Variants in ZNF211 observed in about 807,000 individuals in gnomAD.
The protein encoded by ZNF211 is zinc finger protein C2H2-25.
Under a neutral mutation model 12.1 loss-of-function variants are expected in ZNF211, and 18 were observed. The ratio of observed to expected loss-of-function variants is 1.48; its 90% CI spans 1.03 to 2.20. The LOEUF (loss-of-function observed/expected upper bound fraction) is 2.20. Among genes scored for constraint, ZNF211 ranks in the 30% most tolerant of loss-of-function variants. ZNF211 has a pLI of 0.00. For missense variants in ZNF211, 677 were observed against 703.1 expected, an observed-to-expected ratio of 0.96 and a Z score of 0.42; for synonymous variants, 249 against 246.0, an observed-to-expected ratio of 1.01 and a Z score of -0.11.
rs1267605901 is a variant in ZNF211, at chr19:57,634,014, T to C, written c.91-9T>C. 1.3e-6 allele frequency: 2 copies of C among 1,591,278 alleles called. No individual in the cohort carries two copies. The highest frequency in any genetic ancestry group is 4.5e-5 in the East Asian group (2 of 44,804). ...ATCACATTCCTCTGAGGCCTGCGTC[T>C]TTCCACAGGTTCCCATAGCTACAGA... is the stretch of plus-strand genomic sequence containing the variant. On this transcript the variant is annotated splice_polypyrimidine_tract_variant and intron_variant, in intron 1 of 3. Transcript: ENST00000240731.
intron 3 of ZNF211, chr19:57,639,959 G>A (rs1481817071): frequency 3.1e-5 from 47 of 1,522,910 alleles, no homozygotes; most frequent in Non-Finnish European, 4.0e-5. Context: ...AGGGCTAGGG[G>A]AAGTGCCCTC....
intron 3 of ZNF211, among the ~76,000 whole-genome samples, chr19:57,636,711 T>C (rs1170074312): frequency 3.3e-5 from 5 of 152,242 alleles, no homozygotes; most frequent in Non-Finnish European, 5.9e-5. Context: ...ATATTTCAAA[T>C]GAATTTTAGG....
intron 3 of ZNF211, among the ~76,000 whole-genome samples, chr19:57,639,391 G>T (rs1006910198): frequency 5.0e-3 from 53 of 10,548 alleles, no homozygotes; most frequent in Admixed American, 0.013. Context: ...AACTTCCCTT[G>T]TCATTTCCTT....
rs199579625 is a variant in ZNF211, at chr19:57,642,036, C to A, written c.1589C>A (p.Ser530Tyr). Reference sequence around the variant, plus strand: ...TATGAGTGCAGTGAATGTGGGAAATCCTTTAGCCAAAGTTCTAGCCTCATT... The same window carrying A: ...TATGAGTGCAGTGAATGTGGGAAATACTTTAGCCAAAGTTCTAGCCTCATT... ...RPYECSECGK[S>Y]FSQSSSLIQH... Residue 530 changes from serine (S) to tyrosine (Y), a missense_variant, in exon 4 of 4, where the codon TCC (serine) becomes TAC (tyrosine). Physicochemically the swap from Ser to Tyr is moderately radical, Grantham distance 144. Transcript: ENST00000240731. 6.2e-7 allele frequency: 1 copy of A among 1,614,048 alleles called. No homozygotes were observed. Among genetic ancestry groups the A allele is most frequent in the Non-Finnish European group, 8.5e-7 (1 of 1,180,008 alleles).
At chr19:57,634,520 TG>T in intron 2 of ZNF211, 108 bp from the exon 3 acceptor site, 1 of 1,328,688 alleles carries the variant, frequency 7.5e-7, no homozygotes, top group Non-Finnish European at 1.0e-6. Flanking sequence ...CACCAAGGTC[TG>T]GTGTCTCTTC....
chr19:57,640,131 A>C, intron 3 of ZNF211: 3 of 1,479,236 alleles, frequency 2.0e-6, no homozygotes, highest in Non-Finnish European at 2.7e-6. Flanking sequence ...ATTGCCAGAG[A>C]CACTTCACTT....
chr19:57,643,155 G>A lies in ZNF211; in HGVS notation c.*974G>A, dbSNP rs547874593. On this transcript the variant is annotated 3_prime_UTR_variant, in exon 4 of 4. Coordinates refer to ENST00000240731, the MANE Select transcript of ZNF211 (RefSeq NM_006385.5). Reference sequence around the variant, plus strand: ...GCACTGTTGAGGCAGTCTACCCCCAGTGCTGCCAAGGAGCCAAGTGCCCCA... The same window carrying A: ...GCACTGTTGAGGCAGTCTACCCCCAATGCTGCCAAGGAGCCAAGTGCCCCA... Among the ~76,000 whole-genome samples the A allele has an allele frequency of 5.9e-5, 9 of 152,204 alleles. No homozygotes were observed. Among genetic ancestry groups the A allele is most frequent in the African/African-American group, 1.9e-4 (8 of 41,508 alleles).
rs1466823640 is a variant in ZNF211 at position 57,642,102 on chromosome 19, GCAGT to G, written c.1658_1661del (p.Ser553AsnfsTer83). On this transcript the variant is annotated frameshift_variant, in exon 4 of 4. Transcript: ENST00000240731. LOFTEE classifies it low-confidence loss of function (END_TRUNC). ...CACACGGGAAAAAGGCCTTATCAGT[GCAGT>G]CAATGTGGGAAATCCTTTGGCTGCA... 1 of 1,614,130 alleles carries G rather than the reference GCAGT, an allele frequency of 6.2e-7. No individual in the cohort carries two copies. The highest frequency in any genetic ancestry group is 1.7e-5 in the Admixed American group (1 of 60,022).
In ZNF211 at chr19:57,641,468, C is replaced by T. The variant is rs758797909; in HGVS notation, c.1021C>T (p.Leu341Phe). The change falls in exon 4 of 4, where the codon CTC becomes TTC. Residue 341 changes from leucine (L) to phenylalanine (F), a missense_variant. By Grantham distance (22) the Leu-to-Phe change is conservative (BLOSUM62 0). Transcript: ENST00000240731. ...GAAATCGTTTAGTCAGATATACAGC[C>T]TCAATAGCCATAGGAAAGTTCACAC... is the stretch of plus-strand genomic sequence containing the variant. Reference protein sequence around the residue: ...CGKSFSQIYSLNSHRKVHTGE... With the variant: ...CGKSFSQIYSFNSHRKVHTGE... The T allele has an allele frequency of 1.2e-6, 2 of 1,610,976 alleles. No homozygotes were observed. The highest frequency in any genetic ancestry group is 8.5e-7 in the Non-Finnish European group (1 of 1,177,920).
chr19:57,636,116 T>G (rs926276709), intron 3 of ZNF211, among the ~76,000 whole-genome samples: 19 of 152,306 alleles, frequency 1.2e-4, no homozygotes, highest in African/African-American at 4.3e-4. Context: ...TTATTGAGCT[T>G]TAAGGGTTAT....
At chr19:57,633,581 C>CA in intron 1 of ZNF211, 145 bp downstream of exon 1, 1 of 1,512,252 alleles carries the variant, frequency 6.6e-7, no homozygotes, top group Middle Eastern at 1.7e-4. Context: ...ATGTGGTGGG[C>CA]AGGGGGACAA....
At position 57,641,906 on chromosome 19, in the gene ZNF211, G is replaced by A; in HGVS notation, c.1459G>A (p.Val487Ile). Residue 487 changes from valine to isoleucine, a missense_variant, in exon 4 of 4, where the codon GTT becomes ATT. Val to Ile is a conservative substitution (Grantham distance 29). Coordinates refer to ENST00000240731, the MANE Select transcript of ZNF211 (RefSeq NM_006385.5). ...HSSNLKNHQR[V>I]HTGERPVECS... Reference sequence around the variant, plus strand: ...CTCCAACCTTAAGAACCACCAGAGAGTTCACACTGGAGAAAGACCTGTTGA... The same window carrying A: ...CTCCAACCTTAAGAACCACCAGAGAATTCACACTGGAGAAAGACCTGTTGA... 2 of 1,614,164 alleles carry A rather than the reference G, an allele frequency of 1.2e-6. No homozygotes were observed. Among genetic ancestry groups the A allele is most frequent in the Non-Finnish European group, 1.7e-6 (2 of 1,180,032 alleles).
chr19:57,639,900 TCTTTCCCTTAG>T, intron 3 of ZNF211: 1 of 1,531,342 alleles, frequency 6.5e-7, no homozygotes, highest in Non-Finnish European at 8.7e-7. Context: ...ACATGTCCTG[TCTTTCCCTTAG>T]GACTTATATC....
chr19:57,633,221 G>T lies in ZNF211; in HGVS notation c.-126G>T, dbSNP rs1981640023. 3 of 971,918 alleles carry T rather than the reference G, an allele frequency of 3.1e-6. No individual in the cohort carries two copies. The South Asian group carries it at 5.6e-5, about 18-fold the overall frequency. The allele number at this position is 971,918 out of a possible 1,614,324, so 60.2% of individuals were successfully genotyped here. ...GGTCATTTTGGCTGCCCTCCCGGAG[G>T]TCCGTTCTGTCTGTCAGCCGCTTTG... On this transcript the variant is annotated 5_prime_UTR_variant, in exon 1 of 4. Coordinates refer to ENST00000240731, the MANE Select transcript of ZNF211 (RefSeq NM_006385.5).
intron 3 of ZNF211, 75 bp downstream of exon 3, chr19:57,634,830 C>G: frequency 7.0e-7 from 1 of 1,430,288 alleles, no homozygotes; most frequent in Non-Finnish European, 9.2e-7. Flanking sequence ...GCAGCTCTGT[C>G]CTCATATCTG....
In ZNF211 at chr19:57,633,256, A is replaced by G. The variant is rs114740943; in HGVS notation, c.-91A>G. 3.9e-3 allele frequency: 4,886 copies of G among 1,256,986 alleles called. 76 individuals carry two copies. The African/African-American group carries it at 0.049, about 12-fold the overall frequency. The allele number at this position is 1,256,986 out of a possible 1,614,324, so 77.9% of individuals were successfully genotyped here. On this transcript the variant is annotated 5_prime_UTR_variant, in exon 1 of 4. Coordinates refer to ENST00000240731, the MANE Select transcript of ZNF211 (RefSeq NM_006385.5). ...TCTGTCAGCCGCTTTGGTACGCTGC[A>G]TCGGGATCGAAGTGACGGACCGTGA...
Position 57,642,134 on chromosome 19 carries a change from T to A in ZNF211, c.1687T>A (p.Ser563Thr). 1 of 1,613,812 alleles carries A rather than the reference T, an allele frequency of 6.2e-7. No homozygotes were observed. The highest frequency in any genetic ancestry group is 8.5e-7 in the Non-Finnish European group (1 of 1,179,766). ...ATGTGGGAAATCCTTTGGCTGCAAA[T>A]CTGTCCTCATTCAACACCAGAGAGT... ...SQCGKSFGCKSVLIQHQRVHI... is the reference protein window; with the variant it reads ...SQCGKSFGCKTVLIQHQRVHI... Residue 563 changes from serine to threonine, a missense_variant, in exon 4 of 4, where the codon TCT (serine) becomes ACT (threonine). Ser to Thr is a moderately conservative substitution (Grantham distance 58). Transcript: ENST00000240731.
Position 57,634,017 on chromosome 19 carries a change from C to T in ZNF211, c.91-6C>T, listed in dbSNP as rs1209446394. 2.5e-6 allele frequency: 4 copies of T among 1,590,064 alleles called. No homozygotes were observed. Among genetic ancestry groups the T allele is most frequent in the East Asian group, 2.2e-5 (1 of 44,828 alleles). ...ACATTCCTCTGAGGCCTGCGTCTTT[C>T]CACAGGTTCCCATAGCTACAGAGGT... On this transcript the variant is annotated splice_region_variant and splice_polypyrimidine_tract_variant and intron_variant, in intron 1 of 3. Coordinates refer to ENST00000240731, the MANE Select transcript of ZNF211 (RefSeq NM_006385.5).
intron 3 of ZNF211, chr19:57,640,090 G>T: frequency 6.5e-7 from 1 of 1,530,380 alleles, no homozygotes; most frequent in Non-Finnish European, 8.7e-7. Flanking sequence ...ATTGCACCAG[G>T]AACCTGTCCT....
Sources: allele counts gnomAD v4.1 joint callset (sites outside exome capture counted in the v4.1 genomes callset), GRCh38; gene constraint gnomAD v4.1.1; transcripts MANE v1.5; gene names NCBI Gene and HGNC (gene_info 2026-07-23, HGNC 2026-07-21).